The following RGS6 variants were observed in gnomAD, a reference collection of about 807,000 sequenced individuals.
RGS6 encodes regulator of G-protein signaling 6.
In RGS6, 30 loss-of-function variants were observed where a neutral mutation model predicts 78.5. The observed-to-expected ratio is 0.38, with a 90% CI of 0.29 to 0.52. The LOEUF (loss-of-function observed/expected upper bound fraction) is 0.52, where lower values mean the gene tolerates loss of function less well. Among genes scored for constraint, RGS6 ranks in the 20% least tolerant of loss-of-function variants. The probability of loss-of-function intolerance (pLI) is 0.85; values close to 1 mark genes in which losing one functional copy is unlikely to be tolerated. For missense variants in RGS6, 495 were observed against 609.7 expected (o/e 0.81, Z 1.98); for synonymous variants, 206 against 206.0 (o/e 1.00, Z 0.00).
downstream of RGS6, among the ~76,000 whole-genome samples, chr14:72,569,357 T>C (rs2097717593): frequency 6.6e-6 from 1 of 152,148 alleles, no homozygotes; most frequent in Non-Finnish European, 1.5e-5. Flanking sequence ...TGGTTTGTTT[T>C]CTGACCCTGT....
chr14:72,626,066 T>C, the RGS6 span, among the ~76,000 whole-genome samples: 1 of 152,236 alleles, frequency 6.6e-6, no homozygotes, highest in Admixed American at 6.5e-5. Flanking sequence ...TTCCTCACTC[T>C]TCGGTATAGT....
chr14:72,602,556 C>T, the RGS6 span, among the ~76,000 whole-genome samples: 337 of 152,292 alleles, frequency 2.2e-3, no homozygotes, highest in Non-Finnish European at 3.5e-3. Flanking sequence ...CTCCACCGGC[C>T]GACTCACAGT....
intron 2 of RGS6, among the ~76,000 whole-genome samples, chr14:72,254,196 A>G (rs1233386539): frequency 6.6e-6 from 1 of 152,214 alleles, no homozygotes; most frequent in African/African-American, 2.4e-5. Context: ...TTTAGTGGCT[A>G]AAATCTGTTA....
At chr14:72,466,313 A>C (rs2095910079) in intron 7 of RGS6, among the ~76,000 whole-genome samples, 1 of 152,244 alleles carries the variant, frequency 6.6e-6, no homozygotes, top group South Asian at 2.1e-4. Context: ...CCACTCTAGA[A>C]AATAGCTTGG....
chr14:71,978,771 G>A (rs958616470), intron 2 of RGS6, among the ~76,000 whole-genome samples: 1 of 152,148 alleles, frequency 6.6e-6, no homozygotes, highest in African/African-American at 2.4e-5. Flanking sequence ...GGTGACGCTG[G>A]CCTCATAAAA....
chr14:72,590,698 T>C, the RGS6 span, among the ~76,000 whole-genome samples: 2 of 152,114 alleles, frequency 1.3e-5, no homozygotes, highest in African/African-American at 4.8e-5. Context: ...GTAAAGGAAT[T>C]ATAACCATTT....
chr14:72,547,435 C>A, intron 17 of RGS6: 1 of 962,700 alleles, frequency 1.0e-6, no homozygotes, highest in Non-Finnish European at 1.6e-6. Flanking sequence ...ACAGGGGATG[C>A]TTCCCCCTTT....
intron 2 of RGS6, among the ~76,000 whole-genome samples, chr14:72,338,840 TAGA>T (rs1180554507): frequency 7.2e-5 from 11 of 152,106 alleles, no homozygotes; most frequent in Admixed American, 6.5e-5. Flanking sequence ...TTGCTACAGA[TAGA>T]AGAAGAAATT....
chr14:72,162,536 T>A (rs2096866990), intron 2 of RGS6, among the ~76,000 whole-genome samples: 1 of 152,096 alleles, frequency 6.6e-6, no homozygotes, highest in Non-Finnish European at 1.5e-5. Flanking sequence ...TGAGGTAGGA[T>A]GGGAGTGGGG....
At chr14:71,880,751 G>A in the RGS6 span, among the ~76,000 whole-genome samples, 1 of 152,254 alleles carries the variant, frequency 6.6e-6, no homozygotes, top group East Asian at 1.9e-4. Flanking sequence ...GGCCCTCATG[G>A]ACAACCTCTG....
At chr14:72,375,027 A>AGACACAG (rs1192892456) in intron 3 of RGS6, among the ~76,000 whole-genome samples, 25 of 152,352 alleles carry the variant, frequency 1.6e-4, no homozygotes, top group African/African-American at 5.8e-4. Context: ...GAGTTGATAA[A>AGACACAG]CTAGAAGATA....
chr14:72,417,506 A>G (rs898188184), intron 3 of RGS6, among the ~76,000 whole-genome samples: 2 of 151,698 alleles, frequency 1.3e-5, no homozygotes, highest in African/African-American at 4.8e-5. Context: ...GATAGTGGGG[A>G]GCTGGATTTG....
intron 2 of RGS6, among the ~76,000 whole-genome samples, chr14:72,115,577 C>T (rs2095867709): frequency 6.6e-6 from 1 of 152,146 alleles, no homozygotes; most frequent in Non-Finnish European, 1.5e-5. Flanking sequence ...AAGGGCTGGA[C>T]AGGCCCATCT....
intron 2 of RGS6, among the ~76,000 whole-genome samples, chr14:72,113,565 C>T (rs2095819910): frequency 6.6e-6 from 1 of 152,252 alleles, no homozygotes. Flanking sequence ...GATGTTCTAA[C>T]AGTTTGCTAC....
chr14:71,946,077 TAGAA>T (rs1029766819), intron 1 of RGS6, among the ~76,000 whole-genome samples: 6 of 152,214 alleles, frequency 3.9e-5, no homozygotes, highest in Admixed American at 6.5e-5. Flanking sequence ...CTGGTCAAAA[TAGAA>T]AGGACGCATT....
chr14:72,423,260 G>A (rs1258000726), intron 3 of RGS6, among the ~76,000 whole-genome samples: 2 of 152,172 alleles, frequency 1.3e-5, no homozygotes, highest in East Asian at 3.8e-4. Context: ...TCCCATTTAT[G>A]GAGACTGTGG....
chr14:72,024,519 C>T (rs2089437897), intron 2 of RGS6, among the ~76,000 whole-genome samples: 1 of 152,194 alleles, frequency 6.6e-6, no homozygotes, highest in Non-Finnish European at 1.5e-5. Context: ...AGAAATTCGT[C>T]CCCAGCATCA....
chr14:71,947,566 C>A (rs1181481734), intron 1 of RGS6, among the ~76,000 whole-genome samples: 1 of 152,114 alleles, frequency 6.6e-6, no homozygotes, highest in Non-Finnish European at 1.5e-5. Flanking sequence ...CTCCCTGCAG[C>A]CTTGACCTCC....
At chr14:72,155,057 A>C (rs1020885563) in intron 2 of RGS6, among the ~76,000 whole-genome samples, 5 of 152,242 alleles carry the variant, frequency 3.3e-5, no homozygotes, top group Admixed American at 1.3e-4. Context: ...TGCATGCCTC[A>C]TTGCTGGCTT....
Sources: gnomAD v4.1 joint callset for allele counts (sites outside exome capture counted in the v4.1 genomes callset) on GRCh38, gnomAD v4.1.1 for gene constraint, MANE v1.5 for transcripts, NCBI Gene and HGNC (gene_info 2026-07-23, HGNC 2026-07-21) for gene names.